The following TMEM255A variants were observed in gnomAD, a reference collection of about 807,000 sequenced individuals.
TMEM255A encodes transmembrane protein 255A.
In TMEM255A, 14 loss-of-function variants were observed where a neutral mutation model predicts 23.5. That is an observed-to-expected ratio of 0.60 (90% CI 0.39 to 0.93). TMEM255A has a LOEUF of 0.93. Among genes scored for constraint, TMEM255A ranks in the 40% least tolerant of loss-of-function variants. The pLI is 0.00. For synonymous variants in TMEM255A, 104 were observed against 100.3 expected, an observed-to-expected ratio of 1.04 and a Z score of -0.22; for missense variants, 233 against 261.7, an observed-to-expected ratio of 0.89 and a Z score of 0.76.
chrX:120,274,040 G>A (rs1556019291), intron 7 of TMEM255A, among the ~76,000 whole-genome samples: 1 of 111,763 alleles, frequency 8.9e-6, no homozygotes, highest in Non-Finnish European at 1.9e-5. Context: ...TAAACAAAAC[G>A]TGGTCTATCC....
At position 120,285,319 on chromosome X, in the gene TMEM255A, G is replaced by A; in HGVS notation, c.424-104C>T. 3.9e-6 allele frequency: 3 copies of A among 759,543 alleles called. No homozygotes were observed. In the South Asian group the frequency reaches 6.6e-5, roughly 17 times the overall value. 62.6% of individuals were successfully genotyped at this position (759,543 alleles called of 1,213,427 possible). On this transcript the variant is annotated intron_variant, in intron 5 of 8. Transcript: ENST00000371369. The stretch of plus-strand genomic sequence containing the variant: ...GTGACTGATGGAGACAGTAAGGATG[G>A]CTTTGAAATGAACACCCAATGTGTG...
At chrX:120,297,342 G>T (rs1312626763) in intron 2 of TMEM255A, among the ~76,000 whole-genome samples, 1 of 99,877 alleles carries the variant, frequency 1.0e-5, no homozygotes, top group African/African-American at 3.7e-5. Context: ...AGTGTGATTT[G>T]CATAAGGTAG....
intron 2 of TMEM255A, among the ~76,000 whole-genome samples, chrX:120,296,675 TTATATTTA>T (rs2057961553): frequency 1.6e-5 from 1 of 62,902 alleles, no homozygotes; most frequent in African/African-American, 6.9e-5. Context: ...ATAATATATA[TTATATTTA>T]ATATATATAT....
intron 7 of TMEM255A, among the ~76,000 whole-genome samples, chrX:120,271,610 A>G (rs1334102193): frequency 2.7e-5 from 3 of 111,164 alleles, no homozygotes; most frequent in Non-Finnish European, 5.6e-5. Context: ...TGCTAGGATC[A>G]TAAAGTAGGG....
intron 2 of TMEM255A, among the ~76,000 whole-genome samples, chrX:120,303,218 G>A (rs1217130750): frequency 1.8e-5 from 2 of 111,145 alleles, no homozygotes; most frequent in African/African-American, 6.5e-5. Flanking sequence ...ACTGGAATAC[G>A]GCTGTTTCCT....
chrX:120,254,789 A>G (rs782605427), downstream of TMEM255A: 1 of 1,212,037 alleles, frequency 8.3e-7, no homozygotes, highest in East Asian at 3.0e-5. Context: ...GGGAGGCCAG[A>G]CTTGAGAATG....
chrX:120,288,420 T>A (rs1475388512), intron 4 of TMEM255A, among the ~76,000 whole-genome samples: 1 of 112,308 alleles, frequency 8.9e-6, no homozygotes, highest in Non-Finnish European at 1.9e-5. Flanking sequence ...GAAGGGCTTA[T>A]TGTCCATGTT....
intron 8 of TMEM255A, among the ~76,000 whole-genome samples, chrX:120,265,423 C>G (rs1201698650): frequency 1.8e-5 from 2 of 111,998 alleles, no homozygotes; most frequent in Non-Finnish European, 3.8e-5. Context: ...CAAGCAGCCC[C>G]TGAATTCCCC....
At position 120,293,484 on chromosome X, in the gene TMEM255A, C is replaced by CT. The variant is rs782035106; in HGVS notation, c.264+504dup. On this transcript the variant is annotated intron_variant, in intron 3 of 8. Coordinates refer to ENST00000371369, the MANE Select transcript of TMEM255A (RefSeq NM_001104544.3). ...GGATGGCTTTATAATTTTATTTTAT[C>CT]TTTTTTTGTGTGTGCCACAAGTACA... 1.0e-3 allele frequency among the ~76,000 whole-genome samples: 118 copies of CT among 112,498 alleles called. 1 individual carries two copies. The highest frequency in any genetic ancestry group is 1.3e-3 in the Non-Finnish European group (67 of 53,268).
chrX:120,267,740 G>A (rs2057726638), intron 8 of TMEM255A, among the ~76,000 whole-genome samples: 1 of 111,916 alleles, frequency 8.9e-6, no homozygotes, highest in African/African-American at 3.3e-5. Flanking sequence ...GCTCTGTGTA[G>A]TCCTAGTTAG....
chrX:120,254,596 T>C, downstream of TMEM255A: 5 of 1,211,305 alleles, frequency 4.1e-6, no homozygotes, highest in Middle Eastern at 2.3e-4. Context: ...ATTTCAGATA[T>C]AATTACTAGA....
intron 7 of TMEM255A, among the ~76,000 whole-genome samples, chrX:120,274,169 C>A (rs1207722988): frequency 9.0e-6 from 1 of 111,726 alleles, no homozygotes; most frequent in East Asian, 2.8e-4. Context: ...CCCAGAAGTT[C>A]GAATATTGCA....
At chrX:120,294,414 A>T (rs1556023655) in intron 2 of TMEM255A, among the ~76,000 whole-genome samples, 2 of 103,369 alleles carry the variant, frequency 1.9e-5, no homozygotes, top group African/African-American at 7.3e-5. Context: ...AGCCTGGGCG[A>T]CAGAGCGAGA....
intron 2 of TMEM255A, among the ~76,000 whole-genome samples, chrX:120,294,287 A>T (rs1556023594): frequency 7.4e-5 from 8 of 108,076 alleles, no homozygotes; most frequent in Non-Finnish European, 3.8e-5. Context: ...ACAAAAAATT[A>T]GCCGGGCGTA....
intron 1 of TMEM255A, among the ~76,000 whole-genome samples, chrX:120,309,721 G>GCT (rs781932321): frequency 3.6e-5 from 4 of 110,268 alleles, no homozygotes; most frequent in African/African-American, 9.9e-5. Flanking sequence ...TCGCTCTCGC[G>GCT]CTCTCTCTCT....
In TMEM255A at chrX:120,276,948, G is replaced by C; in HGVS notation, c.612C>G (p.Leu204=). Residue 204 remains leucine, a synonymous_variant, in exon 7 of 9, where the codon CTC becomes CTG. Coordinates refer to ENST00000371369, the MANE Select transcript of TMEM255A (RefSeq NM_001104544.3). ...TGCCCAGGAACAGGCCAACAATGTT[G>C]AGGATGGTGGCAGACCAGAGCAGGT... is the stretch of plus-strand genomic sequence containing the variant. ...LYHLLWSATI[L]NIVGLFLGII... The C allele has an allele frequency of 8.3e-7, 1 of 1,211,498 alleles. No homozygotes were observed. Among genetic ancestry groups the C allele is most frequent in the Non-Finnish European group, 1.1e-6 (1 of 895,125 alleles).
chrX:120,287,208 G>A lies in TMEM255A; in HGVS notation c.369C>T (p.Leu123=). Residue 123 remains leucine, a synonymous_variant, in exon 5 of 9, where the codon CTC becomes CTT. Coordinates refer to ENST00000371369, the MANE Select transcript of TMEM255A (RefSeq NM_001104544.3). The stretch of plus-strand genomic sequence containing the variant: ...GAACATAATGGCACCGGTTAGCGTA[G>A]AGTGGTTTCAGATCCTGAAAAGGGA... ...FAARHIDLKP[L]YANRCHYVPK... 5 of 1,209,684 alleles carry A rather than the reference G, an allele frequency of 4.1e-6. No individual in the cohort carries two copies. Among genetic ancestry groups the A allele is most frequent in the Non-Finnish European group, 5.6e-6 (5 of 894,300 alleles).
rs143928086 is a variant in TMEM255A, at chrX:120,276,899, C to T, written c.661G>A (p.Gly221Ser). The T allele has an allele frequency of 9.9e-6, 12 of 1,209,571 alleles. No individual in the cohort carries two copies. Among genetic ancestry groups the T allele is most frequent in the African/African-American group, 1.7e-5 (1 of 57,225 alleles). The change falls in exon 7 of 9, where the codon GGC (glycine) becomes AGC (serine). Residue 221 changes from glycine to serine, a missense_variant. Transcript: ENST00000371369. ...TCTTTCCTTACCATGTCCTTAAAGCCTCCAAGGACAGCGGCAGTGATGATG... is the reference window on the plus strand; with the variant it reads ...TCTTTCCTTACCATGTCCTTAAAGCTTCCAAGGACAGCGGCAGTGATGATG... The part of the protein sequence containing the change: ...LGIITAAVLG[G>S]FKDMNPTLPA...
chrX:120,304,775 T>G (rs1436047860), intron 1 of TMEM255A, among the ~76,000 whole-genome samples: 1 of 111,961 alleles, frequency 8.9e-6, no homozygotes, highest in African/African-American at 3.3e-5. Flanking sequence ...CTCCTGGCAC[T>G]CTGTAAGAGA....
Sources: gnomAD v4.1 joint callset for allele counts (sites outside exome capture counted in the v4.1 genomes callset) on GRCh38, gnomAD v4.1.1 for gene constraint, MANE v1.5 for transcripts, NCBI Gene and HGNC (gene_info 2026-07-23, HGNC 2026-07-21) for gene names.